The following PDLIM4 variants were observed in gnomAD, a reference collection of about 807,000 sequenced individuals.
PDLIM4 encodes the protein PDZ and LIM domain protein 4.
A neutral mutation model predicts 31.3 loss-of-function variants in PDLIM4; 19 were observed. That is an observed-to-expected ratio of 0.61 (90% confidence interval 0.42 to 0.89). The LOEUF (loss-of-function observed/expected upper bound fraction) is 0.89. Among genes scored for constraint, PDLIM4 ranks in the 40% least tolerant of loss-of-function variants. The pLI is 0.00. For missense variants in PDLIM4, 442 were observed against 461.1 expected, an observed-to-expected ratio of 0.96 and a Z score of 0.38; for synonymous variants, 176 against 190.1, an observed-to-expected ratio of 0.93 and a Z score of 0.61.
At chr5:132,271,624 T>TACG (rs1197237973) in intron 5 of PDLIM4, 158 bp downstream of exon 5, 2 of 940,564 alleles carry the variant, frequency 2.1e-6, no homozygotes, top group South Asian at 2.7e-5. Flanking sequence ...CGCCCTGGCT[T>TACG]CCCGATTCCC....
chr5:132,266,514 C>T lies in PDLIM4; in HGVS notation c.296C>T (p.Ala99Val). 3.7e-6 allele frequency: 6 copies of T among 1,613,280 alleles called. No homozygotes were observed. The highest frequency in any genetic ancestry group is 1.1e-5 in the South Asian group (1 of 91,016). ...PSAPDDSKAQ[A>V]HRIHIDPEIQ... Reference sequence around the variant, plus strand: ...GCCCCTGATGACAGCAAGGCTCAGGCACACAGGATCCACATCGATCCTGAG... The same window carrying T: ...GCCCCTGATGACAGCAAGGCTCAGGTACACAGGATCCACATCGATCCTGAG... Residue 99 changes from alanine to valine, a missense_variant, in exon 3 of 7, where the codon GCA becomes GTA. Ala to Val is a moderately conservative substitution (Grantham distance 64). Transcript: ENST00000253754.
In PDLIM4 at chr5:132,273,279, A is replaced by G. The variant is rs1286041120; in HGVS notation, c.*1050A>G. The G allele has an allele frequency of 6.6e-6, 1 of 152,282 alleles. No individual in the cohort carries two copies. Among genetic ancestry groups the G allele is most frequent in the Non-Finnish European group, 1.5e-5 (1 of 68,040 alleles). 9.4% of individuals were successfully genotyped at this position (152,282 alleles called of 1,614,324 possible). On this transcript the variant is annotated 3_prime_UTR_variant, in exon 7 of 7. Coordinates refer to ENST00000253754, the MANE Select transcript of PDLIM4 (RefSeq NM_003687.4). ...CTATTTAGCGAGCCCAGAGTAACGT[A>G]CATTTGTGCTGTTTTCAATTTTGTG... is the stretch of plus-strand genomic sequence containing the variant.
chr5:132,270,846 GGGGTGGGGTGAACA>G, intron 3 of PDLIM4, 55 bp from the exon 4 acceptor site: 1 of 1,381,796 alleles, frequency 7.2e-7, no homozygotes, highest in Non-Finnish European at 1.0e-6. Flanking sequence ...CAGCAGGGTG[GGGGTGGGGTGAACA>G]AGGAATGGCT....
chr5:132,262,326 C>G (rs1294420725), intron 1 of PDLIM4, among the ~76,000 whole-genome samples: 1 of 152,202 alleles, frequency 6.6e-6, no homozygotes, highest in Non-Finnish European at 1.5e-5. Context: ...GGCACATACG[C>G]AGGCTGCAAG....
chr5:132,270,227 G>C (rs1024199172), intron 3 of PDLIM4, among the ~76,000 whole-genome samples: 1 of 152,216 alleles, frequency 6.6e-6, no homozygotes, highest in Non-Finnish European at 1.5e-5. Flanking sequence ...CTGGCTGTGG[G>C]GTAGTGGGGC....
intron 4 of PDLIM4, 70 bp from the exon 5 acceptor site, chr5:132,271,233 C>T: frequency 6.6e-7 from 1 of 1,526,482 alleles, no homozygotes; most frequent in South Asian, 1.2e-5. Context: ...TAAGCCTTAC[C>T]AGACCCCAAG....
At chr5:132,267,966 C>G (rs771653472) in intron 3 of PDLIM4, among the ~76,000 whole-genome samples, 1 of 152,154 alleles carries the variant, frequency 6.6e-6, no homozygotes, top group African/African-American at 2.4e-5. Context: ...GGGTGTGGGC[C>G]TCAAGCTCAT....
chr5:132,258,549 G>A (rs1367782187), intron 1 of PDLIM4, among the ~76,000 whole-genome samples: 1 of 152,178 alleles, frequency 6.6e-6, no homozygotes, highest in Non-Finnish European at 1.5e-5. Flanking sequence ...GCCCTGGAGC[G>A]TGGCTAGTCT....
In PDLIM4 at chr5:132,270,965, A is replaced by C; in HGVS notation, c.378A>C (p.Pro126=). Residue 126 remains proline (P), a synonymous_variant, in exon 4 of 7, where the codon CCA becomes CCC. Coordinates refer to ENST00000253754, the MANE Select transcript of PDLIM4 (RefSeq NM_003687.4). ...SRRPSGTGTG[P]EDGRPSLGSP... ...GGCCCTCAGGCACCGGGACTGGGCCAGAAGATGGCAGACCAAGCCTGGGAT... is the reference window on the plus strand; with the variant it reads ...GGCCCTCAGGCACCGGGACTGGGCCCGAAGATGGCAGACCAAGCCTGGGAT... 1 of 1,614,158 alleles carries C rather than the reference A, an allele frequency of 6.2e-7. No homozygotes were observed.
intron 1 of PDLIM4, among the ~76,000 whole-genome samples, chr5:132,260,427 G>A (rs558514747): frequency 1.1e-4 from 16 of 152,188 alleles, no homozygotes; most frequent in African/African-American, 3.9e-4. Flanking sequence ...CTTCCCACCC[G>A]GGTGTACAAG....
chr5:132,265,399 G>A (rs1242443744), intron 2 of PDLIM4, among the ~76,000 whole-genome samples: 1 of 152,194 alleles, frequency 6.6e-6, no homozygotes, highest in East Asian at 1.9e-4. Context: ...CTGTGAGTTA[G>A]GGTACCCACT....
chr5:132,262,819 G>C (rs1756406186), intron 2 of PDLIM4, 59 bp downstream of exon 2: 8 of 1,529,386 alleles, frequency 5.2e-6, no homozygotes, highest in Middle Eastern at 1.8e-4. Context: ...GTTATGGGCA[G>C]CTGGCATTTT....
At chr5:132,259,663 T>A (rs1257575943) in intron 1 of PDLIM4, among the ~76,000 whole-genome samples, 1 of 152,088 alleles carries the variant, frequency 6.6e-6, no homozygotes, top group Non-Finnish European at 1.5e-5. Flanking sequence ...TCTTCACCAG[T>A]GGGGCTCAAG....
chr5:132,266,532 A>G lies in PDLIM4; in HGVS notation c.314A>G (p.Asp105Gly). 6.2e-7 allele frequency: 1 copy of G among 1,612,084 alleles called. No individual in the cohort carries two copies. Among genetic ancestry groups the G allele is most frequent in the South Asian group, 1.1e-5 (1 of 90,892 alleles). ...SKAQAHRIHIDPEIQDGSPTT... is the reference protein window; with the variant it reads ...SKAQAHRIHIGPEIQDGSPTT... ...GCTCAGGCACACAGGATCCACATCG[A>G]TCCTGAGATCCAGGTATGTACAGAC... Residue 105 changes from aspartate to glycine, a missense_variant, in exon 3 of 7, where the codon GAT becomes GGT. Physicochemically the swap from Asp to Gly is moderately conservative, Grantham distance 94. Transcript: ENST00000253754.
intron 5 of PDLIM4, 138 bp downstream of exon 5, chr5:132,271,604 A>C (rs162886): frequency 3.8e-6 from 4 of 1,043,186 alleles, no homozygotes; most frequent in Non-Finnish European, 5.9e-6. Context: ...CCCTTGCTAC[A>C]ACCTTGCTAC....
chr5:132,260,610 C>A (rs1362626621), intron 1 of PDLIM4, among the ~76,000 whole-genome samples: 2 of 152,190 alleles, frequency 1.3e-5, no homozygotes, highest in African/African-American at 4.8e-5. Flanking sequence ...TCTCTTTTCC[C>A]TTACCCCCTT....
At position 132,271,350 on chromosome 5, in the gene PDLIM4, A is replaced by T; in HGVS notation, c.554A>T (p.Asp185Val). ...CCGCGGAGCCGGGACTGCAGAGTCG[A>T]CCTGGGCTCCGAGGTGTACAGGATG... ...GLPRSRDCRV[D>V]LGSEVYRMLR... Residue 185 changes from aspartate (D) to valine (V), a missense_variant, in exon 5 of 7, where the codon GAC becomes GTC. Asp to Val is a radical substitution (Grantham distance 152). Coordinates refer to ENST00000253754, the MANE Select transcript of PDLIM4 (RefSeq NM_003687.4). 1 of 1,603,382 alleles carries T rather than the reference A, an allele frequency of 6.2e-7. No individual in the cohort carries two copies.
At position 132,258,133 on chromosome 5, in the gene PDLIM4, G is replaced by C. The variant is rs564450464; in HGVS notation, c.93+306G>C. ...GGAAGGACCCGCGGAGATGGGCCAGGGGTCTAGACAGCTCTACAGAGGCCC... is the reference window on the plus strand; with the variant it reads ...GGAAGGACCCGCGGAGATGGGCCAGCGGTCTAGACAGCTCTACAGAGGCCC... On this transcript the variant is annotated intron_variant, in intron 1 of 6. Coordinates refer to ENST00000253754, the MANE Select transcript of PDLIM4 (RefSeq NM_003687.4). Among the ~76,000 whole-genome samples, 40 of 152,334 alleles carry C rather than the reference G, an allele frequency of 2.6e-4. No homozygotes were observed. The South Asian group carries it at 7.9e-3, about 30-fold the overall frequency.
intron 2 of PDLIM4, among the ~76,000 whole-genome samples, chr5:132,265,561 G>A (rs1319419846): frequency 6.6e-6 from 1 of 152,202 alleles, no homozygotes; most frequent in African/African-American, 2.4e-5. Context: ...AGTGAGTATG[G>A]ACCATAGGCA....
Sources: gnomAD v4.1 joint callset for allele counts (sites outside exome capture counted in the v4.1 genomes callset) on GRCh38, gnomAD v4.1.1 for gene constraint, MANE v1.5 for transcripts, NCBI Gene and HGNC (gene_info 2026-07-23, HGNC 2026-07-21) for gene names.